Variants in KIF27 observed in about 807,000 individuals in gnomAD.
KIF27 encodes kinesin family member 27.
A neutral mutation model predicts 141.8 loss-of-function variants in KIF27; 84 were observed. That is an observed-to-expected ratio of 0.59 (90% CI 0.50 to 0.71). KIF27 has a LOEUF of 0.71. KIF27 is among the 30% of genes least tolerant of loss of function. The pLI is 0.00. For synonymous variants in KIF27, 471 were observed against 569.5 expected, an observed-to-expected ratio of 0.83 and a Z score of 2.46; for missense variants, 1,306 against 1,628.4, an observed-to-expected ratio of 0.80 and a Z score of 3.41.
chr9:83,851,022 C>G (rs1181932755), intron 15 of KIF27, among the ~76,000 whole-genome samples: 3 of 149,820 alleles, frequency 2.0e-5, no homozygotes, highest in East Asian at 2.0e-4. Flanking sequence ...TATTTTAGTA[C>G]AGATGGGGTT....
chr9:83,836,530 C>G lies in KIF27; in HGVS notation c.*471G>C, dbSNP rs969469412. On this transcript the variant is annotated 3_prime_UTR_variant, in exon 18 of 18. Transcript: ENST00000297814. ...TCAATCCATAAAGCTGAGAGGTTGT[C>G]TTAGCCCACATATGCAGCAGGTGAC... Among the ~76,000 whole-genome samples, 1 of 152,010 alleles carries G rather than the reference C, an allele frequency of 6.6e-6. No homozygotes were observed. Among genetic ancestry groups the G allele is most frequent in the African/African-American group, 2.4e-5 (1 of 41,394 alleles).
At chr9:83,882,589 T>G (rs978882852) in intron 10 of KIF27, among the ~76,000 whole-genome samples, 6 of 152,204 alleles carry the variant, frequency 3.9e-5, no homozygotes, top group African/African-American at 1.4e-4. Context: ...CTTATCCCCA[T>G]GAGTAGTGCA....
chr9:83,903,829 C>T lies in KIF27; in HGVS notation c.689G>A (p.Trp230Ter). The change falls in exon 4 of 18, where the codon TGG becomes TAG. Residue 230 changes from tryptophan (W) to a stop codon, truncating the protein, a stop_gained. Coordinates refer to ENST00000297814, the MANE Select transcript of KIF27 (RefSeq NM_017576.4). LOFTEE classifies it high-confidence loss of function. The stretch of plus-strand genomic sequence containing the variant: ...TGAGACAATATGCCGAGGGGAATAC[C>T]ATGATCCATCTTCAGCTGCCTCCAT... The part of the protein sequence containing the change: ...KNMEAAEDGS[W>*]YSPRHIVSKF... The T allele has an allele frequency of 6.2e-7, 1 of 1,614,126 alleles. No individual in the cohort carries two copies. The highest frequency in any genetic ancestry group is 8.5e-7 in the Non-Finnish European group (1 of 1,180,034).
At chr9:83,860,988 A>T (rs1265265879) in intron 13 of KIF27, among the ~76,000 whole-genome samples, 1 of 151,942 alleles carries the variant, frequency 6.6e-6, no homozygotes, top group Non-Finnish European at 1.5e-5. Flanking sequence ...GAGTTTAAAG[A>T]TTGCTTCAGA....
In KIF27 at chr9:83,891,301, G is replaced by C; in HGVS notation, c.1803C>G (p.Ser601=). The C allele has an allele frequency of 6.2e-7, 1 of 1,609,932 alleles. No homozygotes were observed. Among genetic ancestry groups the C allele is most frequent in the Non-Finnish European group, 8.5e-7 (1 of 1,178,162 alleles). ...AAGATTGTTTGGACTTTACCTTCCT[G>C]GAATCTTGTCTTGATGGGATATAAA... ...HYIYIPSRQD[S]RKVHTSPPMY... The change falls in exon 6 of 18, where the codon TCC becomes TCG. Residue 601 remains serine, a synonymous_variant. Coordinates refer to ENST00000297814, the MANE Select transcript of KIF27 (RefSeq NM_017576.4).
chr9:83,905,399 T>C (rs1429488409), intron 3 of KIF27, among the ~76,000 whole-genome samples: 2 of 152,214 alleles, frequency 1.3e-5, no homozygotes, highest in Non-Finnish European at 2.9e-5. Flanking sequence ...ATTACAGGCG[T>C]GAGCCACCGC....
rs559202837 is a variant in KIF27 at position 83,910,084 on chromosome 9, TAC to T, written c.299-1434_299-1433del. ...ATACATACATACATACATACATACA[TAC>T]GTACGTACTTACATACATAATCTTT... is the stretch of plus-strand genomic sequence containing the variant. On this transcript the variant is annotated intron_variant, in intron 2 of 17. Coordinates refer to ENST00000297814, the MANE Select transcript of KIF27 (RefSeq NM_017576.4). 6.8e-3 allele frequency among the ~76,000 whole-genome samples: 1,031 copies of T among 151,880 alleles called. 5 individuals carry two copies. Among genetic ancestry groups the T allele is most frequent in the Non-Finnish European group, 0.011 (760 of 67,962 alleles).
At chr9:83,872,831 G>C (rs1325013034) in intron 11 of KIF27, among the ~76,000 whole-genome samples, 4 of 152,188 alleles carry the variant, frequency 2.6e-5, no homozygotes, top group Non-Finnish European at 5.9e-5. Context: ...GGTATCAATG[G>C]GGAGAGACGG....
In KIF27 at chr9:83,899,709, T is replaced by C. The variant is rs146525855; in HGVS notation, c.1554A>G (p.Lys518=). 6.2e-7 allele frequency: 1 copy of C among 1,613,458 alleles called. No individual in the cohort carries two copies. Among genetic ancestry groups the C allele is most frequent in the Non-Finnish European group, 8.5e-7 (1 of 1,179,604 alleles). ...NQVQMMVQEN[K]GHAVSLKEAQ... is the part of the protein sequence containing the mutation. ...CTTCTTTCAAAGATACAGCATGCCC[T>C]TTGTTTTCCTGTACCATCATCTGCA... is the stretch of plus-strand genomic sequence containing the variant. The change falls in exon 5 of 18, where the codon AAA becomes AAG. Residue 518 remains lysine (K), a synonymous_variant. Coordinates refer to ENST00000297814, the MANE Select transcript of KIF27 (RefSeq NM_017576.4).
chr9:83,853,114 AAATACATTTTAAT>A, intron 15 of KIF27, among the ~76,000 whole-genome samples: 1 of 152,340 alleles, frequency 6.6e-6, no homozygotes, highest in South Asian at 2.1e-4. Flanking sequence ...AATCTGTAAA[AAATACATTTTAAT>A]TGATTTAAGC....
intron 10 of KIF27, among the ~76,000 whole-genome samples, chr9:83,883,313 G>A (rs1400885777): frequency 2.0e-5 from 3 of 152,166 alleles, no homozygotes; most frequent in Non-Finnish European, 2.9e-5. Flanking sequence ...ATTTCTCATA[G>A]AATAGAATTT....
At position 83,889,335 on chromosome 9, in the gene KIF27, T is replaced by C. The variant is rs899900159; in HGVS notation, c.1810-82A>G. 11 of 1,261,602 alleles carry C rather than the reference T, an allele frequency of 8.7e-6. No individual in the cohort carries two copies. In the African/African-American group the frequency reaches 1.2e-4, roughly 14 times the overall value. The allele number at this position is 1,261,602 out of a possible 1,614,324, so 78.2% of individuals were successfully genotyped here. A position where few individuals can be genotyped will look rare whatever the true frequency, so the allele number is the denominator to read the frequency against. On this transcript the variant is annotated intron_variant, in intron 6 of 17. Coordinates refer to ENST00000297814, the MANE Select transcript of KIF27 (RefSeq NM_017576.4). ...TTTATCCTATTACTCTAAGTGCTTT[T>C]AAAGGGGTTATTAGATTGGCACTCT... is the stretch of plus-strand genomic sequence containing the variant.
At position 83,867,944 on chromosome 9, in the gene KIF27, G is replaced by A. The variant is rs866153475; in HGVS notation, c.2758-84C>T. On this transcript the variant is annotated intron_variant, in intron 12 of 17. Coordinates refer to ENST00000297814, the MANE Select transcript of KIF27 (RefSeq NM_017576.4). ...GTAATAATAGAATTTCAGATTGGCT[G>A]AAATCTCTTAAATGAACATTTAAAA... 3.3e-5 allele frequency: 43 copies of A among 1,318,642 alleles called. No individual in the cohort carries two copies. In the Middle Eastern group the frequency reaches 6.2e-4, roughly 19 times the overall value. The allele number at this position is 1,318,642 out of a possible 1,614,324, so 81.7% of individuals were successfully genotyped here. A position where few individuals can be genotyped will look rare whatever the true frequency, so the allele number is the denominator to read the frequency against.
chr9:83,875,057 A>G (rs1951101700), intron 11 of KIF27, among the ~76,000 whole-genome samples: 1 of 151,506 alleles, frequency 6.6e-6, no homozygotes, highest in African/African-American at 2.4e-5. Flanking sequence ...CTAAGCATGG[A>G]TTTAGAGAGT....
chr9:83,850,203 A>C lies in KIF27; in HGVS notation c.3452T>G (p.Leu1151Ter), dbSNP rs1444177147. Residue 1151 changes from leucine (L) to a stop codon, truncating the protein, a stop_gained, in exon 16 of 18, where the codon TTA (leucine) becomes TGA (stop). Coordinates refer to ENST00000297814, the MANE Select transcript of KIF27 (RefSeq NM_017576.4). LOFTEE classifies it high-confidence loss of function. ...VLERDNMVRELESALDHLKLQ... is the reference protein window; with the variant it reads ...VLERDNMVRE ...TTTTAGATGGTCCAGTGCAGATTCT[A>C]ATTCACGAACCATATTATCCCGTTC... 1 of 1,611,976 alleles carries C rather than the reference A, an allele frequency of 6.2e-7. No homozygotes were observed. The highest frequency in any genetic ancestry group is 1.3e-5 in the African/African-American group (1 of 74,908).
chr9:83,863,740 C>G (rs1012439771), intron 13 of KIF27: 1 of 152,132 alleles, frequency 6.6e-6, no homozygotes, highest in African/African-American at 2.4e-5. Context: ...GGAATAGGTT[C>G]AGAAGGAATG....
chr9:83,886,782 CTGGTACA>C, intron 9 of KIF27, among the ~76,000 whole-genome samples: 1 of 152,046 alleles, frequency 6.6e-6, no homozygotes, highest in South Asian at 2.1e-4. Context: ...CATGTTGTAA[CTGGTACA>C]TTAAGTGCCA....
intron 13 of KIF27, among the ~76,000 whole-genome samples, chr9:83,861,327 C>G (rs924764314): frequency 1.3e-4 from 20 of 152,118 alleles, no homozygotes; most frequent in Admixed American, 1.3e-4. Flanking sequence ...TATCCCTCCC[C>G]CCTTCCCCCA....
In KIF27 at chr9:83,876,597, G is replaced by C. The variant is rs111986365; in HGVS notation, c.2643+3700C>G. On this transcript the variant is annotated intron_variant, in intron 11 of 17. Transcript: ENST00000297814. ...TCACATGGAAAACTGTAGGGGCTCT[G>C]AAGAGCCAAAATCATCTTGAAAAAG... Among the ~76,000 whole-genome samples the C allele has an allele frequency of 6.6e-5, 10 of 152,318 alleles. 1 individual carries two copies. The highest frequency in any genetic ancestry group is 2.4e-4 in the African/African-American group (10 of 41,550).
Sources: gnomAD v4.1 joint callset for allele counts (sites outside exome capture counted in the v4.1 genomes callset) on GRCh38, gnomAD v4.1.1 for gene constraint, MANE v1.5 for transcripts, NCBI Gene and HGNC (gene_info 2026-07-23, HGNC 2026-07-21) for gene names.